Variants in CRMP1 observed in about 807,000 individuals in gnomAD.
CRMP1 encodes collapsin response mediator protein 1.
A neutral mutation model predicts 68.3 loss-of-function variants in CRMP1; 19 were observed. The ratio of observed to expected loss-of-function variants is 0.28; its 90% CI spans 0.19 to 0.41. The LOEUF (loss-of-function observed/expected upper bound fraction) is 0.41. CRMP1 is among the 10% of genes least tolerant of loss of function. CRMP1 has a pLI of 1.00. For synonymous variants in CRMP1, 439 were observed against 399.6 expected, an observed-to-expected ratio of 1.10 and a Z score of -1.18; for missense variants, 791 against 967.4, an observed-to-expected ratio of 0.82 and a Z score of 2.42.
At position 5,892,910 on chromosome 4, in the gene CRMP1, C is replaced by T; in HGVS notation, c.60G>A (p.Arg20=). ...GCGGGGTCTGCGCCGCGCTGCCCGG[C>T]CGCGCCAGGTACACGGGCAGGTCGT... ...TEDDLPVYLA[R]PGSAAQTPRQ... The change falls in exon 1 of 14, where the codon CGG becomes CGA. Residue 20 remains arginine, a synonymous_variant. Transcript: ENST00000324989. The surrounding 1 kb of genome is among the most constrained non-coding windows in gnomAD (Gnocchi z 8.6). 1.5e-6 allele frequency: 2 copies of T among 1,356,990 alleles called. No homozygotes were observed. The allele number at this position is 1,356,990 out of a possible 1,614,324, so 84.1% of individuals were successfully genotyped here.
At chr4:5,887,822 C>A (rs1372113063) in intron 1 of CRMP1, 1 of 995,628 alleles carries the variant, frequency 1.0e-6, no homozygotes, top group Non-Finnish European at 1.2e-6. Context: ...ATGGGCCGGA[C>A]GGTGCGGGGG....
In CRMP1 at chr4:5,836,756, C is replaced by G. The variant is rs1259908382; in HGVS notation, c.1452+9G>C. 6.2e-7 allele frequency: 1 copy of G among 1,613,932 alleles called. No individual in the cohort carries two copies. The highest frequency in any genetic ancestry group is 8.5e-7 in the Non-Finnish European group (1 of 1,179,968). ...TCTAGAATGCTCCTGAGAAGAGATC[C>G]AGCCTTACCACCGCCTTGTCCCAGA... On this transcript the variant is annotated intron_variant, in intron 10 of 13. Coordinates refer to ENST00000324989, the MANE Select transcript of CRMP1 (RefSeq NM_001014809.3).
chr4:5,865,038 C>A lies in CRMP1; in HGVS notation c.470+1630G>T, dbSNP rs1039583660. Among the ~76,000 whole-genome samples, 1 of 151,762 alleles carries A rather than the reference C, an allele frequency of 6.6e-6. No individual in the cohort carries two copies. The highest frequency in any genetic ancestry group is 6.6e-5 in the Admixed American group (1 of 15,264). On this transcript the variant is annotated intron_variant, in intron 2 of 13. Transcript: ENST00000324989. The surrounding 1 kb of genome is among the most constrained non-coding windows in gnomAD (Gnocchi z 4.1). ...TTTGCATATGTGGTCCCTTTCAATGCCCCCAATACTCCACAGCCCCTTTCC... is the reference window on the plus strand; with the variant it reads ...TTTGCATATGTGGTCCCTTTCAATGACCCCAATACTCCACAGCCCCTTTCC...
In CRMP1 at chr4:5,888,894, C is replaced by A. The variant is rs1283535198; in HGVS notation, c.381+3695G>T. Among the ~76,000 whole-genome samples the A allele has an allele frequency of 6.6e-6, 1 of 151,884 alleles. No homozygotes were observed. Among genetic ancestry groups the A allele is most frequent in the Non-Finnish European group, 1.5e-5 (1 of 67,942 alleles). ...CCAAGCTGCTGGGAACGTTCTTGTCCCTCCAGGATCGCGCCCAAGGACCGC... is the reference window on the plus strand; with the variant it reads ...CCAAGCTGCTGGGAACGTTCTTGTCACTCCAGGATCGCGCCCAAGGACCGC... On this transcript the variant is annotated intron_variant, in intron 1 of 13. Coordinates refer to ENST00000324989, the MANE Select transcript of CRMP1 (RefSeq NM_001014809.3). The surrounding 1 kb of genome is among the most constrained non-coding windows in gnomAD (Gnocchi z 6.4).
intron 1 of CRMP1, chr4:5,887,864 C>T (rs116031929): frequency 0.026 from 25,428 of 988,312 alleles, 378 homozygotes; most frequent in South Asian, 0.054. Flanking sequence ...CACCCTCCCA[C>T]CCCCGCGCGA....
At position 5,821,880 on chromosome 4, in the gene CRMP1, TG is replaced by T; in HGVS notation, c.1970-30del. ...AAAGAGAGCGCCAATCGCTGCTGGA[TG>T]GGATCTGTTAGCATCAGTTCCACGC... On this transcript the variant is annotated intron_variant, in intron 13 of 13. Coordinates refer to ENST00000324989, the MANE Select transcript of CRMP1 (RefSeq NM_001014809.3). This position sits in a 1 kb window ranked among gnomAD's most constrained non-coding sequence, Gnocchi z 4.4. 1 of 1,527,816 alleles carries T rather than the reference TG, an allele frequency of 6.5e-7. No homozygotes were observed. The allele number at this position is 1,527,816 out of a possible 1,614,324, so 94.6% of individuals were successfully genotyped here. A position where few individuals can be genotyped will look rare whatever the true frequency, so the allele number is the denominator to read the frequency against.
In CRMP1 at chr4:5,860,800, T is replaced by C. The variant is rs1056049359; in HGVS notation, c.655+226A>G. Among the ~76,000 whole-genome samples, 1 of 152,210 alleles carries C rather than the reference T, an allele frequency of 6.6e-6. No homozygotes were observed. Among genetic ancestry groups the C allele is most frequent in the African/African-American group, 2.4e-5 (1 of 41,458 alleles). On this transcript the variant is annotated intron_variant, in intron 3 of 13. Transcript: ENST00000324989. This position sits in a 1 kb window ranked among gnomAD's most constrained non-coding sequence, Gnocchi z 4.2. Reference sequence around the variant, plus strand: ...ATATTTTAAAAATAATTTTTTAAAATTGGTACCTATAAAACCGTATTGTTT... The same window carrying C: ...ATATTTTAAAAATAATTTTTTAAAACTGGTACCTATAAAACCGTATTGTTT...
In CRMP1 at chr4:5,820,797, ATTTTC is replaced by A. The variant is rs962897761; in HGVS notation, c.*958_*962del. On this transcript the variant is annotated 3_prime_UTR_variant, in exon 14 of 14. Coordinates refer to ENST00000324989, the MANE Select transcript of CRMP1 (RefSeq NM_001014809.3). Reference sequence around the variant, plus strand: ...CCCTAGTCAGGTCAGTGGGCAGTTCATTTTCTTTATTTTTTCACAAGCTTTGAATT... The same window carrying A: ...CCCTAGTCAGGTCAGTGGGCAGTTCATTTATTTTTTCACAAGCTTTGAATT... 1.4e-5 allele frequency: 2 copies of A among 145,898 alleles called. No individual in the cohort carries two copies. The highest frequency in any genetic ancestry group is 5.4e-5 in the African/African-American group (2 of 36,902). 9.0% of individuals were successfully genotyped at this position (145,898 alleles called of 1,614,324 possible). A position where few individuals can be genotyped will look rare whatever the true frequency, so the allele number is the denominator to read the frequency against.
At chr4:5,846,801 G>T (rs917670408) in intron 6 of CRMP1, among the ~76,000 whole-genome samples, 1 of 114,514 alleles carries the variant, frequency 8.7e-6, no homozygotes, top group African/African-American at 3.6e-5. Context: ...TTTTAGTAGA[G>T]GCAGTGTTTC....
intron 1 of CRMP1, among the ~76,000 whole-genome samples, chr4:5,871,487 C>G (rs894721121): frequency 6.6e-6 from 1 of 151,988 alleles, no homozygotes; most frequent in African/African-American, 2.4e-5. Context: ...GGTGAAACCC[C>G]GTCTGTACTA....
intron 12 of CRMP1, 53 bp downstream of exon 12, chr4:5,828,436 C>T (rs762942487): frequency 2.0e-4 from 314 of 1,585,984 alleles, no homozygotes; most frequent in Admixed American, 6.6e-4. Context: ...CCCCAAGAGA[C>T]GCTGTCGGCT....
Position 5,873,585 on chromosome 4 carries a change from G to A in CRMP1, c.382-6829C>T, listed in dbSNP as rs535294029. On this transcript the variant is annotated intron_variant, in intron 1 of 13. Coordinates refer to ENST00000324989, the MANE Select transcript of CRMP1 (RefSeq NM_001014809.3). Reference sequence around the variant, plus strand: ...GAGGTACCAGAATTTTAAATAACCAGATCTCCTCAGAACTCACTCACTATC... The same window carrying A: ...GAGGTACCAGAATTTTAAATAACCAAATCTCCTCAGAACTCACTCACTATC... Among the ~76,000 whole-genome samples the A allele has an allele frequency of 3.3e-4, 50 of 152,092 alleles. 2 individuals are homozygous for A. The South Asian group carries it at 0.01, about 31-fold the overall frequency.
At position 5,879,772 on chromosome 4, in the gene CRMP1, T is replaced by C. The variant is rs529238082; in HGVS notation, c.381+12817A>G. ...GAGGAGTTGATGGCCTTAGGAAGCCTTTAAACTCGTTTAAGAGGTTCCCAG... is the reference window on the plus strand; with the variant it reads ...GAGGAGTTGATGGCCTTAGGAAGCCCTTAAACTCGTTTAAGAGGTTCCCAG... On this transcript the variant is annotated intron_variant, in intron 1 of 13. Transcript: ENST00000324989. This position sits in a 1 kb window ranked among gnomAD's most constrained non-coding sequence, Gnocchi z 4.2. Among the ~76,000 whole-genome samples, 2 of 152,292 alleles carry C rather than the reference T, an allele frequency of 1.3e-5. No individual in the cohort carries two copies. The highest frequency in any genetic ancestry group is 2.9e-5 in the Non-Finnish European group (2 of 68,022).
intron 1 of CRMP1, chr4:5,887,851 G>C (rs1715706839): frequency 1.0e-6 from 1 of 1,002,404 alleles, no homozygotes; most frequent in African/African-American, 1.7e-5. Context: ...AGGAGGCTCA[G>C]CTCACCCTCC....
intron 13 of CRMP1, among the ~76,000 whole-genome samples, chr4:5,822,237 C>G (rs1213016182): frequency 2.0e-5 from 3 of 152,192 alleles, no homozygotes; most frequent in Non-Finnish European, 4.4e-5. Context: ...TTTGTACTCC[C>G]AACTTACGGG....
At chr4:5,887,977 G>A (rs1203804126) in intron 1 of CRMP1, among the ~76,000 whole-genome samples, 4 of 152,084 alleles carry the variant, frequency 2.6e-5, no homozygotes, top group African/African-American at 4.8e-5. Context: ...GGGGGGAGGG[G>A]GCGGCAAGCC....
chr4:5,863,165 G>C (rs1019005039), intron 2 of CRMP1, among the ~76,000 whole-genome samples: 5 of 146,694 alleles, frequency 3.4e-5, no homozygotes, highest in Non-Finnish European at 7.4e-5. Flanking sequence ...AGCCTGGTTG[G>C]CCAGAGTCCT....
intron 11 of CRMP1, among the ~76,000 whole-genome samples, chr4:5,829,672 T>C (rs1365763192): frequency 6.6e-6 from 1 of 152,164 alleles, no homozygotes; most frequent in Non-Finnish European, 1.5e-5. Flanking sequence ...TACACAGACA[T>C]TTCTCAGCTT....
intron 11 of CRMP1, among the ~76,000 whole-genome samples, chr4:5,832,377 T>TA (rs1465082142): frequency 3.3e-5 from 5 of 152,230 alleles, no homozygotes; most frequent in Non-Finnish European, 5.9e-5. Flanking sequence ...TACAAACATG[T>TA]ATGCATACCC....
Sources: allele counts gnomAD v4.1 joint callset (sites outside exome capture counted in the v4.1 genomes callset), GRCh38; gene constraint gnomAD v4.1.1; non-coding constraint Gnocchi (gnomAD v3.1); transcripts MANE v1.5; gene names NCBI Gene and HGNC (gene_info 2026-07-23, HGNC 2026-07-21).